DST: variants seen among roughly 807,000 people sequenced by gnomAD.
The protein encoded by DST is bullous pemphigoid antigen.
Under a neutral mutation model 875.2 loss-of-function variants are expected in DST, and 253 were observed. The observed-to-expected ratio is 0.29, with a 90% CI of 0.26 to 0.32. The LOEUF (loss-of-function observed/expected upper bound fraction) is 0.32, where lower values mean the gene tolerates loss of function less well. DST is among the 10% of genes least tolerant of loss of function. DST has a pLI of 1.00. For missense variants in DST, 8,287 were observed against 9,111.6 expected (o/e 0.91, Z 3.68); for synonymous variants, 3,124 against 3,197.1 (o/e 0.98, Z 0.77).
chr6:56,898,587 A>C (rs1792573428), intron 3 of DST, among the ~76,000 whole-genome samples: 1 of 152,230 alleles, frequency 6.6e-6, no homozygotes, highest in South Asian at 2.1e-4. Context: ...AAATAAGTTC[A>C]AATATTTAGC....
At chr6:56,728,973 T>TACACACACACACAC (rs35066414) in intron 5 of DST, among the ~76,000 whole-genome samples, 1 of 132,006 alleles carries the variant, frequency 7.6e-6, no homozygotes, top group African/African-American at 2.7e-5. Context: ...ATAAAAAAAG[T>TACACACACACACAC]ACACACACAC....
chr6:56,634,887 T>C lies in DST; in HGVS notation c.3253A>G (p.Ile1085Val), dbSNP rs961213561. ...IANLMGKAKT[I>V]IQLKPRNSDC... ...GAATTCCTTGGCTTCAGTTGAATTATTGTTTTTGCTTTTCCCATTAGGTTT... is the reference window on the plus strand; with the variant it reads ...GAATTCCTTGGCTTCAGTTGAATTACTGTTTTTGCTTTTCCCATTAGGTTT... Residue 1085 changes from isoleucine to valine, a missense_variant, in exon 25 of 104, where the codon ATA (isoleucine) becomes GTA (valine). Ile to Val is a conservative substitution (Grantham distance 29). Coordinates refer to ENST00000680361, the MANE Select transcript of DST (RefSeq NM_001374736.1). 3.1e-6 allele frequency: 5 copies of C among 1,613,918 alleles called. No homozygotes were observed. The highest frequency in any genetic ancestry group is 4.2e-6 in the Non-Finnish European group (5 of 1,179,920).
chr6:56,475,284 C>A (rs1028269597), intron 92 of DST, among the ~76,000 whole-genome samples: 12 of 152,020 alleles, frequency 7.9e-5, no homozygotes, highest in African/African-American at 2.9e-4. Context: ...GAAGTAACAC[C>A]TTTCTGGAAT....
chr6:56,721,180 G>A (rs186333761), intron 5 of DST, among the ~76,000 whole-genome samples: 7,019 of 94,276 alleles, frequency 0.074, 257 homozygotes, highest in Non-Finnish European at 0.11. Flanking sequence ...GGCGGCTGCC[G>A]GGCGGGGGTG....
chr6:56,551,569 A>G (rs1402726383), intron 61 of DST, among the ~76,000 whole-genome samples: 3 of 152,168 alleles, frequency 2.0e-5, no homozygotes, highest in African/African-American at 7.2e-5. Flanking sequence ...AGTGTCATTG[A>G]TCACTGTTGA....
intron 3 of DST, among the ~76,000 whole-genome samples, chr6:56,881,628 A>C (rs77200371): frequency 0.019 from 2,831 of 152,268 alleles, 88 homozygotes; most frequent in African/African-American, 0.065. Context: ...TTATGTTTTT[A>C]AAAAACCCAA....
At position 56,611,585 on chromosome 6, in the gene DST, C is replaced by A. The variant is rs761380909; in HGVS notation, c.5070G>T (p.Glu1690Asp). The A allele has an allele frequency of 6.2e-7, 1 of 1,611,424 alleles. No homozygotes were observed. Among genetic ancestry groups the A allele is most frequent in the African/African-American group, 1.3e-5 (1 of 74,908 alleles). ...ATTGTTCCTTCTTGGTTGATATTTC[C>A]TCACTGGAAATCTGTAAGGTAAAGA... ...PPFSKQKISSEEISTKKEQLS... is the reference protein window; with the variant it reads ...PPFSKQKISSDEISTKKEQLS... The change falls in exon 38 of 104, where the codon GAG becomes GAT. Residue 1690 changes from glutamate (E) to aspartate (D), a missense_variant. Glu to Asp is a conservative substitution (Grantham distance 45). Transcript: ENST00000680361.
intron 3 of DST, among the ~76,000 whole-genome samples, chr6:56,855,783 G>C (rs1355332909): frequency 6.6e-6 from 1 of 152,298 alleles, no homozygotes; most frequent in East Asian, 1.9e-4. Flanking sequence ...TCCCATGGCA[G>C]GGTACACTCA....
chr6:56,632,067 T>C (rs1190839272), intron 28 of DST, 27 bp from the exon 29 acceptor site: 2 of 1,569,814 alleles, frequency 1.3e-6, no homozygotes, highest in African/African-American at 1.4e-5. Flanking sequence ...GTTTAGAAAA[T>C]ACCTTGTTTT....
chr6:56,698,836 G>A (rs2099277832), intron 9 of DST, among the ~76,000 whole-genome samples: 1 of 152,144 alleles, frequency 6.6e-6, no homozygotes, highest in African/African-American at 2.4e-5. Context: ...GATTCAGGGG[G>A]TACAAGTGCG....
In DST at chr6:56,560,076, T is replaced by C. The variant is rs143808242; in HGVS notation, c.14440+218A>G. Among the ~76,000 whole-genome samples, 654 of 152,242 alleles carry C rather than the reference T, an allele frequency of 4.3e-3. 5 individuals carry two copies. Among genetic ancestry groups the C allele is most frequent in the African/African-American group, 0.015 (620 of 41,570 alleles). Reference sequence around the variant, plus strand: ...CTAGTATCTACCTTCTTCATAAAAATAGATTTAATTACTGTGTTTACCATA... The same window carrying C: ...CTAGTATCTACCTTCTTCATAAAAACAGATTTAATTACTGTGTTTACCATA... On this transcript the variant is annotated intron_variant, in intron 58 of 103. Transcript: ENST00000680361.
intron 29 of DST, 36 bp downstream of exon 29, chr6:56,631,847 A>T: frequency 6.3e-7 from 1 of 1,598,722 alleles, no homozygotes. Flanking sequence ...TCATTAAGAG[A>T]GTTAGTTTTT....
intron 4 of DST, among the ~76,000 whole-genome samples, chr6:56,779,568 G>A (rs1239005849): frequency 3.3e-5 from 5 of 151,898 alleles, no homozygotes; most frequent in Non-Finnish European, 5.9e-5. Flanking sequence ...TGTATAAGGT[G>A]TAAGGAAGGG....
chr6:56,642,872 C>T (rs1399580891), intron 15 of DST: 51 of 1,599,592 alleles, frequency 3.2e-5, no homozygotes, highest in Admixed American at 5.1e-5. Flanking sequence ...CTACTTCTAA[C>T]GGTGAAAAGT....
chr6:56,766,952 T>C (rs1365359360), intron 4 of DST, among the ~76,000 whole-genome samples: 1 of 152,242 alleles, frequency 6.6e-6, no homozygotes, highest in Admixed American at 6.5e-5. Flanking sequence ...TGTTTTGACT[T>C]GGCTCATGCC....
intron 5 of DST, among the ~76,000 whole-genome samples, chr6:56,726,718 G>A (rs1248277004): frequency 6.6e-6 from 1 of 152,050 alleles, no homozygotes; most frequent in East Asian, 1.9e-4. Context: ...GCAGACTAAC[G>A]TTTATCTCAC....
intron 4 of DST, among the ~76,000 whole-genome samples, chr6:56,749,311 G>A (rs1470497872): frequency 6.6e-6 from 1 of 152,024 alleles, no homozygotes; most frequent in Non-Finnish European, 1.5e-5. Flanking sequence ...ACGAGATTGG[G>A]CCACTGCACT....
chr6:56,715,907 C>T (rs1232243454), intron 5 of DST, among the ~76,000 whole-genome samples: 1 of 152,210 alleles, frequency 6.6e-6, no homozygotes, highest in East Asian at 1.9e-4. Context: ...CTTCCCTCTC[C>T]CCTGTGAAGA....
chr6:56,843,721 G>T, intron 4 of DST: 7 of 207,686 alleles, frequency 3.4e-5, no homozygotes, highest in Non-Finnish European at 5.3e-5. Context: ...GTGGAGGGTG[G>T]AGGGTGGAGA....
Sources: allele counts gnomAD v4.1 joint callset (sites outside exome capture counted in the v4.1 genomes callset), GRCh38; gene constraint gnomAD v4.1.1; transcripts MANE v1.5; gene names NCBI Gene and HGNC (gene_info 2026-07-23, HGNC 2026-07-21).